Variants in FBLN1 observed in about 807,000 individuals in gnomAD.
FBLN1 encodes the protein fibulin-1.
A neutral mutation model predicts 89.7 loss-of-function variants in FBLN1; 34 were observed. The observed-to-expected ratio is 0.38, with a 90% CI of 0.29 to 0.50. FBLN1 has a LOEUF of 0.50. FBLN1 is among the 20% of genes least tolerant of loss of function. FBLN1 has a pLI of 0.92. For synonymous variants in FBLN1, 393 were observed against 391.3 expected (o/e 1.00, Z -0.05); for missense variants, 777 against 988.1 (o/e 0.79, Z 2.86).
At chr22:45,542,349 G>A in intron 10 of FBLN1, 66 bp downstream of exon 10, 1 of 1,596,424 alleles carries the variant, frequency 6.3e-7, no homozygotes, top group East Asian at 2.2e-5. Context: ...ACATTTCTGT[G>A]GCACCTCGAG....
intron 16 of FBLN1, among the ~76,000 whole-genome samples, chr22:45,582,446 C>T (rs771551723): frequency 3.3e-5 from 5 of 152,158 alleles, no homozygotes; most frequent in Non-Finnish European, 7.4e-5. Context: ...TGGCGAGGTC[C>T]TGGAGGGTCT....
At chr22:45,511,157 A>ATTT (rs67205437) in intron 1 of FBLN1, among the ~76,000 whole-genome samples, 76 of 143,874 alleles carry the variant, frequency 5.3e-4, no homozygotes, top group Admixed American at 1.0e-3. Context: ...ATCTTCCCCC[A>ATTT]TTTTTTTTTT....
rs1340356762 is a variant in FBLN1 at position 45,597,218 on chromosome 22, G to C, written c.1973-3089G>C. Among the ~76,000 whole-genome samples, 1 of 152,160 alleles carries C rather than the reference G, an allele frequency of 6.6e-6. No homozygotes were observed. Among genetic ancestry groups the C allele is most frequent in the East Asian group, 1.9e-4 (1 of 5,202 alleles). ...GGGTTTTGCCACGTTGCCCACGCTG[G>C]TCTCGAACTCATGGGCTTGTGATCT... On this transcript the variant is annotated intron_variant, in intron 16 of 16. Transcript: ENST00000327858. The surrounding 1 kb of genome is among the most constrained non-coding windows in gnomAD (Gnocchi z 4.2).
rs2146937207 is a variant in FBLN1 at position 45,508,295 on chromosome 22, TGA to T, written c.79+5234_79+5235del. 1.3e-5 allele frequency among the ~76,000 whole-genome samples: 2 copies of T among 150,850 alleles called. 1 individual carries two copies. The highest frequency in any genetic ancestry group is 3.0e-5 in the Non-Finnish European group (2 of 67,670). ...GGACAGCCTCGCGTATCTTTTTTTT[TGA>T]GACGGAGTCTTGCACTGTCTGGGGT... On this transcript the variant is annotated intron_variant, in intron 1 of 16. Transcript: ENST00000327858.
At chr22:45,553,551 G>A (rs2088733599) in intron 14 of FBLN1, among the ~76,000 whole-genome samples, 1 of 152,230 alleles carries the variant, frequency 6.6e-6, no homozygotes, top group Non-Finnish European at 1.5e-5. Context: ...AAAAGTTTGA[G>A]TAGAGCGAAG....
At chr22:45,593,896 G>A (rs891988133) in intron 16 of FBLN1, among the ~76,000 whole-genome samples, 2 of 152,206 alleles carry the variant, frequency 1.3e-5, no homozygotes, top group Non-Finnish European at 2.9e-5. Flanking sequence ...CTGGGTTGGG[G>A]ATGGTGGGGC....
At chr22:45,503,143 C>T (rs1358095335) in intron 1 of FBLN1, 79 bp downstream of exon 1, 1 of 1,107,282 alleles carries the variant, frequency 9.0e-7, no homozygotes, top group East Asian at 3.9e-5. Context: ...GTTTCGGAAC[C>T]ACGGGGACTC....
intron 14 of FBLN1, among the ~76,000 whole-genome samples, chr22:45,555,828 A>G (rs2088781389): frequency 6.6e-6 from 1 of 152,224 alleles, no homozygotes; most frequent in Admixed American, 6.5e-5. Context: ...TCATACGACC[A>G]GAAACTCACC....
rs9626372 is a variant in FBLN1, at chr22:45,525,987, G to C, written c.321+309G>C. 0.11 allele frequency among the ~76,000 whole-genome samples: 17,115 copies of C among 152,240 alleles called. 1,159 individuals carry two copies. The highest frequency in any genetic ancestry group is 0.15 in the Non-Finnish European group (10,256 of 68,006). On this transcript the variant is annotated intron_variant, in intron 3 of 16. Transcript: ENST00000327858. ...GGGCAGATGCAGAAGTCAAAGCAGG[G>C]CTCCTCCTGGGCTTCCAGAATCTTC...
At chr22:45,570,319 C>CAAAAAAAAAAAAAAA (rs761469854) in intron 14 of FBLN1, among the ~76,000 whole-genome samples, 12 of 36,350 alleles carry the variant, frequency 3.3e-4, no homozygotes, top group South Asian at 1.1e-3. Flanking sequence ...GACTCTGTCT[C>CAAAAAAAAAAAAAAA]AAAAAAAAAA....
chr22:45,515,363 G>A (rs1020377000), intron 1 of FBLN1, among the ~76,000 whole-genome samples: 1 of 152,198 alleles, frequency 6.6e-6, no homozygotes, highest in Non-Finnish European at 1.5e-5. Context: ...AGACAGCCCT[G>A]CTTTGCAGAG....
intron 14 of FBLN1, chr22:45,565,199 A>G: frequency 6.6e-7 from 1 of 1,524,972 alleles, no homozygotes; most frequent in East Asian, 2.6e-5. Flanking sequence ...TCTCTGAAGG[A>G]CCAGTCTGGT....
intron 14 of FBLN1, among the ~76,000 whole-genome samples, chr22:45,569,527 G>T (rs5764790): frequency 0.51 from 77,010 of 151,478 alleles, 19,693 homozygotes; most frequent in Middle Eastern, 0.61. Flanking sequence ...TAATCTCAGC[G>T]ACTTGGGAGG....
chr22:45,518,510 T>G (rs2088201094), intron 1 of FBLN1, 172 bp from the exon 2 acceptor site: 5 of 661,320 alleles, frequency 7.6e-6, no homozygotes, highest in Non-Finnish European at 1.4e-5. Flanking sequence ...GACTCGCAGC[T>G]GGGGTCTGGT....
chr22:45,592,063 T>C (rs1569268737), intron 16 of FBLN1, among the ~76,000 whole-genome samples: 2 of 152,170 alleles, frequency 1.3e-5, no homozygotes, highest in Non-Finnish European at 2.9e-5. Context: ...AGATCTGGGC[T>C]CTGAGGTCAG....
In FBLN1 at chr22:45,600,901, A is replaced by C; in HGVS notation, c.*455A>C. ...ACATGGCTGCTGTAGAATAGCACAG[A>C]CGTGGATGATAAATTATCCCCAGAA... On this transcript the variant is annotated 3_prime_UTR_variant, in exon 17 of 17. Coordinates refer to ENST00000327858, the MANE Select transcript of FBLN1 (RefSeq NM_006486.3). The C allele has an allele frequency of 4.5e-6, 1 of 221,830 alleles. No individual in the cohort carries two copies. Among genetic ancestry groups the C allele is most frequent in the Non-Finnish European group, 9.1e-6 (1 of 110,456 alleles). 13.7% of individuals were successfully genotyped at this position (221,830 alleles called of 1,614,324 possible).
chr22:45,544,741 C>G (rs1434620576), intron 11 of FBLN1, among the ~76,000 whole-genome samples: 3 of 152,140 alleles, frequency 2.0e-5, no homozygotes, highest in African/African-American at 7.2e-5. Flanking sequence ...TGGGTCAGGT[C>G]TCTTGGTATG....
chr22:45,518,495 G>T, intron 1 of FBLN1, 187 bp from the exon 2 acceptor site: 1 of 649,378 alleles, frequency 1.5e-6, no homozygotes, highest in Non-Finnish European at 2.8e-6. Context: ...AAGGAGTGGG[G>T]TGTGGACTCG....
intron 16 of FBLN1, among the ~76,000 whole-genome samples, chr22:45,599,649 C>T (rs571547206): frequency 2.0e-5 from 3 of 152,210 alleles, no homozygotes; most frequent in Non-Finnish European, 2.9e-5. Context: ...CAGTCACGGT[C>T]GCTCATGCCT....
Sources: gnomAD v4.1 joint callset for allele counts (sites outside exome capture counted in the v4.1 genomes callset) on GRCh38, gnomAD v4.1.1 for gene constraint, Gnocchi (gnomAD v3.1) non-coding constraint, MANE v1.5 for transcripts, NCBI Gene and HGNC (gene_info 2026-07-23, HGNC 2026-07-21) for gene names.